PHACTR3: variants seen among roughly 807,000 people sequenced by gnomAD.
PHACTR3 encodes protein phosphatase 1, regulatory subunit 123.
A neutral mutation model predicts 66.8 loss-of-function variants in PHACTR3; 16 were observed. The ratio of observed to expected loss-of-function variants is 0.24; its 90% CI spans 0.16 to 0.36. PHACTR3 has a LOEUF of 0.36. Among genes scored for constraint, PHACTR3 ranks in the 10% least tolerant of loss-of-function variants. The probability of loss-of-function intolerance (pLI) is 1.00; values close to 1 mark genes in which losing one functional copy is unlikely to be tolerated. For missense variants in PHACTR3, 647 were observed against 719.9 expected, an observed-to-expected ratio of 0.90 and a Z score of 1.16; for synonymous variants, 323 against 292.1, an observed-to-expected ratio of 1.11 and a Z score of -1.08.
chr20:59,819,781 C>T (rs931284064), intron 8 of PHACTR3, among the ~76,000 whole-genome samples: 6 of 151,642 alleles, frequency 4.0e-5, no homozygotes, highest in South Asian at 4.2e-4. Flanking sequence ...CACCCGTCAG[C>T]TGAGGCACCT....
rs759363781 is a variant in PHACTR3, at chr20:59,747,745, G to T, written c.281-13G>T. 2 of 1,613,476 alleles carry T rather than the reference G, an allele frequency of 1.2e-6. No individual in the cohort carries two copies. Among genetic ancestry groups the T allele is most frequent in the South Asian group, 1.1e-5 (1 of 90,984 alleles). Reference sequence around the variant, plus strand: ...TTGCCTGAGACTCACCTGTGTGTTTGTGTGTTGGGCAGCGCTGGAGAAGAA... The same window carrying T: ...TTGCCTGAGACTCACCTGTGTGTTTTTGTGTTGGGCAGCGCTGGAGAAGAA... On this transcript the variant is annotated splice_polypyrimidine_tract_variant and intron_variant, in intron 2 of 12. Coordinates refer to ENST00000371015, the MANE Select transcript of PHACTR3 (RefSeq NM_080672.5).
rs768092837 is a variant in PHACTR3, at chr20:59,660,362, C to T, written c.118+55230C>T. 4.8e-4 allele frequency among the ~76,000 whole-genome samples: 73 copies of T among 152,290 alleles called. 1 individual carries two copies. The highest frequency in any genetic ancestry group is 3.3e-3 in the South Asian group (16 of 4,824). ...ACAAAAAATTAGCCGGGCATGGTGG[C>T]GGATGCCTGTAGTCCCAGCTACTCT... On this transcript the variant is annotated intron_variant, in intron 1 of 12. Transcript: ENST00000371015.
At chr20:59,662,443 G>C (rs1002709429) in intron 1 of PHACTR3, among the ~76,000 whole-genome samples, 1 of 152,132 alleles carries the variant, frequency 6.6e-6, no homozygotes, top group Admixed American at 6.5e-5. Context: ...TTCAGACAGG[G>C]GTCCTGAGCA....
At chr20:59,833,741 C>T (rs2042450836) in intron 8 of PHACTR3, among the ~76,000 whole-genome samples, 2 of 152,164 alleles carry the variant, frequency 1.3e-5, no homozygotes, top group East Asian at 1.9e-4. Context: ...GGGCCAGCAT[C>T]GCGGACAGTG....
intron 1 of PHACTR3, among the ~76,000 whole-genome samples, chr20:59,589,838 G>A (rs1358247442): frequency 6.6e-6 from 1 of 152,254 alleles, no homozygotes; most frequent in Non-Finnish European, 1.5e-5. Context: ...GCCAATTCTA[G>A]AAGAGGGTAT....
intron 1 of PHACTR3, among the ~76,000 whole-genome samples, chr20:59,663,999 C>T (rs1431324793): frequency 6.6e-6 from 1 of 152,206 alleles, no homozygotes; most frequent in African/African-American, 2.4e-5. Flanking sequence ...TACTCTTTAG[C>T]ATAATTTATT....
intron 8 of PHACTR3, among the ~76,000 whole-genome samples, chr20:59,831,864 T>C (rs1027872798): frequency 6.6e-6 from 1 of 152,084 alleles, no homozygotes; most frequent in South Asian, 2.1e-4. Flanking sequence ...GCTCTGGGGG[T>C]CTGCTCTCAC....
intron 7 of PHACTR3, among the ~76,000 whole-genome samples, chr20:59,804,779 T>A (rs960436037): frequency 1.3e-5 from 2 of 152,236 alleles, no homozygotes; most frequent in Admixed American, 1.3e-4. Context: ...TGAGTTCCAC[T>A]TTTTGTATCT....
At chr20:59,769,198 A>G (rs1006045554) in intron 5 of PHACTR3, among the ~76,000 whole-genome samples, 1 of 152,230 alleles carries the variant, frequency 6.6e-6, no homozygotes, top group South Asian at 2.1e-4. Context: ...CCCATCTTCC[A>G]GCATTTACCA....
chr20:59,760,652 C>A (rs980339759), intron 4 of PHACTR3, among the ~76,000 whole-genome samples: 13 of 152,096 alleles, frequency 8.5e-5, no homozygotes, highest in African/African-American at 2.9e-4. Flanking sequence ...ACTTCTTTTT[C>A]TTTATAAATT....
At chr20:59,834,762 G>A (rs915722068) in intron 8 of PHACTR3, among the ~76,000 whole-genome samples, 4 of 152,006 alleles carry the variant, frequency 2.6e-5, no homozygotes, top group South Asian at 2.1e-4. Context: ...CACCATATCC[G>A]CCATTTCCTC....
intron 1 of PHACTR3, among the ~76,000 whole-genome samples, chr20:59,732,776 C>T (rs1339717867): frequency 6.6e-6 from 1 of 152,296 alleles, no homozygotes; most frequent in East Asian, 1.9e-4. Flanking sequence ...GATCAATCCA[C>T]TCATTCATTT....
At chr20:59,753,278 C>T (rs1437796689) in intron 3 of PHACTR3, among the ~76,000 whole-genome samples, 4 of 152,204 alleles carry the variant, frequency 2.6e-5, no homozygotes, top group Admixed American at 6.5e-5. Context: ...GGGCAACTGA[C>T]GCGGCTGCAT....
intron 1 of PHACTR3, among the ~76,000 whole-genome samples, chr20:59,581,154 G>T (rs1432627976): frequency 6.6e-6 from 1 of 152,256 alleles, no homozygotes. Context: ...GCATGGCAGT[G>T]CAAGAACCCC....
At chr20:59,836,472 G>A in intron 8 of PHACTR3, 33 bp from the exon 9 acceptor site, 1 of 1,600,374 alleles carries the variant, frequency 6.2e-7, no homozygotes, top group East Asian at 2.3e-5. Flanking sequence ...CAGCCACTAT[G>A]GTGCAAAATG....
intron 1 of PHACTR3, among the ~76,000 whole-genome samples, chr20:59,608,380 G>A (rs1159891598): frequency 3.9e-5 from 6 of 152,172 alleles, no homozygotes; most frequent in East Asian, 3.9e-4. Flanking sequence ...CTCTACACCC[G>A]TGAGCATGGT....
At chr20:59,653,361 T>C (rs555909477) in intron 1 of PHACTR3, among the ~76,000 whole-genome samples, 1 of 152,244 alleles carries the variant, frequency 6.6e-6, no homozygotes, top group Non-Finnish European at 1.5e-5. Flanking sequence ...ATTTTTGTAA[T>C]TTTAATAGAG....
chr20:59,639,306 A>AT (rs1397947811), intron 1 of PHACTR3, among the ~76,000 whole-genome samples: 1 of 152,150 alleles, frequency 6.6e-6, no homozygotes, highest in African/African-American at 2.4e-5. Flanking sequence ...ACAGCCCCCA[A>AT]TTTGCTGACA....
At chr20:59,578,098 A>G (rs937403061) in intron 1 of PHACTR3, among the ~76,000 whole-genome samples, 1 of 152,194 alleles carries the variant, frequency 6.6e-6, no homozygotes, top group African/African-American at 2.4e-5. Flanking sequence ...GCCTCCACCC[A>G]CGTGGGACTG....
Sources: allele counts gnomAD v4.1 joint callset (sites outside exome capture counted in the v4.1 genomes callset), GRCh38; gene constraint gnomAD v4.1.1; transcripts MANE v1.5; gene names NCBI Gene and HGNC (gene_info 2026-07-23, HGNC 2026-07-21).